TTC4: variants seen among roughly 807,000 people sequenced by gnomAD.
TTC4 encodes tetratricopeptide repeat domain 4.
Under a neutral mutation model 51.9 loss-of-function variants are expected in TTC4, and 36 were observed. The ratio of observed to expected loss-of-function variants is 0.69; its 90% CI spans 0.53 to 0.92. The LOEUF (loss-of-function observed/expected upper bound fraction) is 0.92, where lower values mean the gene tolerates loss of function less well. TTC4 is among the 40% of genes least tolerant of loss of function. The pLI, the probability that TTC4 is intolerant of heterozygous loss-of-function variation, is 0.00. For missense variants in TTC4, 399 were observed against 454.6 expected (o/e 0.88, Z 1.11); for synonymous variants, 144 against 164.2 (o/e 0.88, Z 0.94).
At chr1:54,729,976 C>T (rs1052504371) in intron 6 of TTC4, among the ~76,000 whole-genome samples, 1 of 152,222 alleles carries the variant, frequency 6.6e-6, no homozygotes, top group Non-Finnish European at 1.5e-5. Context: ...CTGCCTTGGC[C>T]TCCTATAGTG....
At chr1:54,723,970 G>A (rs926186527) in intron 5 of TTC4, among the ~76,000 whole-genome samples, 15 of 152,184 alleles carry the variant, frequency 9.9e-5, no homozygotes, top group African/African-American at 2.7e-4. Flanking sequence ...AGAATTCTGA[G>A]CCTAGGTAAT....
Position 54,731,620 on chromosome 1 carries a change from C to A in TTC4, c.816C>A (p.Gly272=). Residue 272 remains glycine (G), a synonymous_variant, in exon 7 of 10, where the codon GGC becomes GGA. Transcript: ENST00000371281. ...CCAGGCTGAGTCTAGATGGCCAGGGCAGGCTGAGCTGGCCTGTGCTCTTTC... is the reference window on the plus strand; with the variant it reads ...CCAGGCTGAGTCTAGATGGCCAGGGAAGGCTGAGCTGGCCTGTGCTCTTTC... ...HGARLSLDGQ[G]RLSWPVLFLY... is the part of the protein sequence containing the mutation. The A allele has an allele frequency of 6.2e-7, 1 of 1,614,114 alleles. No individual in the cohort carries two copies. The highest frequency in any genetic ancestry group is 8.5e-7 in the Non-Finnish European group (1 of 1,180,032).
chr1:54,730,196 A>C (rs1645848119), intron 6 of TTC4, among the ~76,000 whole-genome samples: 2 of 152,256 alleles, frequency 1.3e-5, no homozygotes, highest in Admixed American at 6.5e-5. Context: ...TTTTCCATCT[A>C]ATTCTCATTC....
At chr1:54,735,438 C>T (rs144244003) in intron 8 of TTC4, among the ~76,000 whole-genome samples, 2 of 152,114 alleles carry the variant, frequency 1.3e-5, no homozygotes, top group African/African-American at 4.8e-5. Context: ...CCAGGCTGGT[C>T]TCAAACTCCT....
intron 5 of TTC4, among the ~76,000 whole-genome samples, chr1:54,726,903 A>G (rs951697186): frequency 2.6e-5 from 4 of 152,184 alleles, no homozygotes; most frequent in African/African-American, 9.7e-5. Context: ...CTCCCAAGCA[A>G]CTGGGACTAT....
rs1557752803 is a variant in TTC4 at position 54,736,197 on chromosome 1, A to T, written c.979-1385A>T. The stretch of plus-strand genomic sequence containing the variant: ...AAAGGAGAGAGAGAGAGAGAGAGAG[A>T]GAGAGAGAGAGAGAGAGAGAGAGAG... On this transcript the variant is annotated intron_variant, in intron 8 of 9. Transcript: ENST00000371281. Among the ~76,000 whole-genome samples, 351 of 134,062 alleles carry T rather than the reference A, an allele frequency of 2.6e-3. 14 individuals are homozygous for T. The highest frequency in any genetic ancestry group is 0.012 in the African/African-American group (336 of 29,056). The allele number at this position is 134,062 out of a possible 152,430, so 87.9% of individuals were successfully genotyped here.
At chr1:54,741,372 A>G in intron 9 of TTC4, 39 bp from the exon 10 acceptor site, 14 of 1,546,282 alleles carry the variant, frequency 9.1e-6, no homozygotes, top group Non-Finnish European at 1.3e-5. Context: ...TAAGATTGTA[A>G]TTAAATTAAC....
intron 1 of TTC4, 74 bp from the exon 2 acceptor site, chr1:54,716,526 T>C: frequency 1.7e-6 from 2 of 1,183,094 alleles, no homozygotes; most frequent in South Asian, 2.8e-5. Context: ...AAAAAAACTT[T>C]GGTAATGAGT....
At position 54,715,870 on chromosome 1, in the gene TTC4, A is replaced by T. The variant is rs1348306911; in HGVS notation, c.-39A>T. 3.3e-6 allele frequency: 5 copies of T among 1,528,654 alleles called. No individual in the cohort carries two copies. Among genetic ancestry groups the T allele is most frequent in the South Asian group, 1.2e-5 (1 of 84,006 alleles). The allele number at this position is 1,528,654 out of a possible 1,614,324, so 94.7% of individuals were successfully genotyped here. ...GCCGCCGGAAGGAGCCGCTCGCTTC[A>T]CGGCGCTGGGACCCGGGCTGGAAGG... On this transcript the variant is annotated 5_prime_UTR_variant, in exon 1 of 10. Coordinates refer to ENST00000371281, the MANE Select transcript of TTC4 (RefSeq NM_004623.5).
chr1:54,731,457 ATG>A (rs747667235), intron 6 of TTC4, 27 bp from the exon 7 acceptor site: 19 of 1,591,140 alleles, frequency 1.2e-5, no homozygotes, highest in Non-Finnish European at 1.6e-5. Context: ...GATGTGCATT[ATG>A]TGTGTGTGTT....
intron 5 of TTC4, among the ~76,000 whole-genome samples, chr1:54,727,772 C>CAT (rs1448851483): frequency 2.0e-5 from 3 of 149,676 alleles, no homozygotes; most frequent in Non-Finnish European, 3.0e-5. Context: ...TTATCTACAA[C>CAT]ATATAAACAA....
At chr1:54,734,881 C>G (rs1170145435) in intron 8 of TTC4, among the ~76,000 whole-genome samples, 2 of 152,136 alleles carry the variant, frequency 1.3e-5, no homozygotes, top group African/African-American at 2.4e-5. Flanking sequence ...TTATAATACC[C>G]ATATAGCTAT....
At chr1:54,716,845 T>A in intron 2 of TTC4, 128 bp downstream of exon 2, 1 of 732,218 alleles carries the variant, frequency 1.4e-6, no homozygotes, top group Non-Finnish European at 2.2e-6. Context: ...CATTCCAATA[T>A]ACTTCTTTTT....
At chr1:54,730,590 G>A (rs926740392) in intron 6 of TTC4, among the ~76,000 whole-genome samples, 18 of 151,986 alleles carry the variant, frequency 1.2e-4, no homozygotes, top group Admixed American at 1.2e-3. Flanking sequence ...CCAATTTAGG[G>A]GATATCATCA....
intron 3 of TTC4, among the ~76,000 whole-genome samples, chr1:54,720,493 GT>G (rs35285471): frequency 0.12 from 15,799 of 127,160 alleles, 1,125 homozygotes; most frequent in East Asian, 0.41. Flanking sequence ...TAGATATTTA[GT>G]TTTTTTTTTT....
intron 4 of TTC4, among the ~76,000 whole-genome samples, 179 bp from the exon 5 acceptor site, chr1:54,722,496 T>C (rs908207153): frequency 3.3e-5 from 5 of 152,200 alleles, no homozygotes; most frequent in Non-Finnish European, 7.3e-5. Flanking sequence ...TAGGGATTTT[T>C]CTGATTTAGG....
rs1030713716 is a variant in TTC4 at position 54,741,653 on chromosome 1, G to A, written c.*140G>A. Reference sequence around the variant, plus strand: ...ATAGTCCTTCCTGGCATCGTGGTGGGGGAGGAGCCTCTGGCTTCCCTAAAC... The same window carrying A: ...ATAGTCCTTCCTGGCATCGTGGTGGAGGAGGAGCCTCTGGCTTCCCTAAAC... On this transcript the variant is annotated 3_prime_UTR_variant, in exon 10 of 10. Transcript: ENST00000371281. 6 of 706,188 alleles carry A rather than the reference G, an allele frequency of 8.5e-6. No homozygotes were observed. In the Admixed American group the frequency reaches 1.1e-4, roughly 13 times the overall value. 43.7% of individuals were successfully genotyped at this position (706,188 alleles called of 1,614,324 possible).
In TTC4 at chr1:54,741,621, C is replaced by G; in HGVS notation, c.*108C>G. 1.1e-6 allele frequency: 1 copy of G among 944,770 alleles called. No individual in the cohort carries two copies. The highest frequency in any genetic ancestry group is 1.7e-6 in the Non-Finnish European group (1 of 598,686). The allele number at this position is 944,770 out of a possible 1,614,324, so 58.5% of individuals were successfully genotyped here. ...GAGTCCAGTGCTTTCTTTCCGTCAC[C>G]CTGGGGATAGTCCTTCCTGGCATCG... On this transcript the variant is annotated 3_prime_UTR_variant, in exon 10 of 10. Coordinates refer to ENST00000371281, the MANE Select transcript of TTC4 (RefSeq NM_004623.5).
At chr1:54,722,876 C>A in intron 5 of TTC4, 77 bp downstream of exon 5, 1 of 1,562,026 alleles carries the variant, frequency 6.4e-7, no homozygotes, top group South Asian at 1.2e-5. Context: ...TCTCTCAAGT[C>A]ATTGTAAACT....
Sources: allele counts gnomAD v4.1 joint callset (sites outside exome capture counted in the v4.1 genomes callset), GRCh38; gene constraint gnomAD v4.1.1; transcripts MANE v1.5; gene names NCBI Gene and HGNC (gene_info 2026-07-23, HGNC 2026-07-21).